The following ADCK1 variants were observed in gnomAD, a reference collection of about 807,000 sequenced individuals.
The protein encoded by ADCK1 is aarF domain containing kinase 1.
In ADCK1, 41 loss-of-function variants were observed where a neutral mutation model predicts 52.3. The ratio of observed to expected loss-of-function variants is 0.78; its 90% confidence interval spans 0.61 to 1.02. The LOEUF is 1.02. ADCK1 is among the 50% of genes least tolerant of loss of function. ADCK1 has a pLI of 0.00. For synonymous variants in ADCK1, 250 were observed against 274.6 expected, an observed-to-expected ratio of 0.91 and a Z score of 0.89; for missense variants, 658 against 679.5, an observed-to-expected ratio of 0.97 and a Z score of 0.35.
rs372050102 is a variant in ADCK1, at chr14:77,907,866, G to A, written c.805G>A (p.Gly269Arg). The change falls in exon 7 of 11, where the codon GGG (glycine) becomes AGG (arginine). Residue 269 changes from glycine to arginine, a missense_variant. Transcript: ENST00000238561. ...RVLLMEFVDG[G>R]QVNDRDYMER... Reference sequence around the variant, plus strand: ...CCTCCTGATGGAGTTTGTGGATGGCGGGCAGGTCAATGACAGAGACTACAT... The same window carrying A: ...CCTCCTGATGGAGTTTGTGGATGGCAGGCAGGTCAATGACAGAGACTACAT... 56 of 1,614,048 alleles carry A rather than the reference G, an allele frequency of 3.5e-5. No homozygotes were observed. The highest frequency in any genetic ancestry group is 3.2e-4 in the South Asian group (29 of 91,080).
At position 77,808,451 on chromosome 14, in the gene ADCK1, C is replaced by G. The variant is rs1334179656; in HGVS notation, c.-12+8281C>G. The stretch of plus-strand genomic sequence containing the variant: ...TTTCTGGATCAATCACATTGAGGAA[C>G]TGGGAGGAGGTAGAGAACTGAAACT... On this transcript the variant is annotated intron_variant, in intron 1 of 10. Transcript: ENST00000238561. 2.0e-5 allele frequency among the ~76,000 whole-genome samples: 3 copies of G among 152,294 alleles called. No individual in the cohort carries two copies. In the East Asian group the frequency reaches 5.8e-4, roughly 29 times the overall value.
At chr14:77,804,042 A>C (rs746908176) in intron 1 of ADCK1, among the ~76,000 whole-genome samples, 10 of 152,130 alleles carry the variant, frequency 6.6e-5, no homozygotes, top group Non-Finnish European at 1.5e-4. Context: ...GTTGTGTGGA[A>C]TATCTAATGA....
At chr14:77,844,806 C>T (rs181127850) in intron 3 of ADCK1, among the ~76,000 whole-genome samples, 1 of 152,254 alleles carries the variant, frequency 6.6e-6, no homozygotes, top group African/African-American at 2.4e-5. Context: ...CAGAAGACAC[C>T]TTAGAAACAT....
chr14:77,878,312 C>T (rs2082943254), intron 4 of ADCK1, among the ~76,000 whole-genome samples: 1 of 152,232 alleles, frequency 6.6e-6, no homozygotes, highest in Non-Finnish European at 1.5e-5. Context: ...GCAATAATCT[C>T]TCCTCTAACC....
chr14:77,843,338 C>T (rs549457260), intron 3 of ADCK1, among the ~76,000 whole-genome samples: 3 of 152,334 alleles, frequency 2.0e-5, no homozygotes, highest in South Asian at 2.1e-4. Context: ...ATTCTGCTCG[C>T]GGCCTAACAC....
intron 2 of ADCK1, among the ~76,000 whole-genome samples, chr14:77,821,728 A>G (rs1422842593): frequency 1.8e-4 from 28 of 151,822 alleles, no homozygotes. Context: ...TAAAAATACA[A>G]AAATTAGCCG....
At chr14:77,851,209 T>C (rs1218112119) in intron 3 of ADCK1, among the ~76,000 whole-genome samples, 2 of 150,806 alleles carry the variant, frequency 1.3e-5, no homozygotes, top group African/African-American at 4.9e-5. Flanking sequence ...CTTCTGCCTC[T>C]TGGGTTCAAG....
chr14:77,896,312 A>C (rs1429345174), intron 5 of ADCK1, among the ~76,000 whole-genome samples: 3 of 152,130 alleles, frequency 2.0e-5, no homozygotes, highest in Admixed American at 1.3e-4. Context: ...CCAAGTAGAG[A>C]CCTCACTGGG....
chr14:77,845,789 C>T (rs1298695015), intron 3 of ADCK1, among the ~76,000 whole-genome samples: 1 of 152,154 alleles, frequency 6.6e-6, no homozygotes, highest in Non-Finnish European at 1.5e-5. Flanking sequence ...ACAAAATCAT[C>T]CCCTGCTCAC....
intron 4 of ADCK1, among the ~76,000 whole-genome samples, chr14:77,879,674 ACT>A (rs1188022788): frequency 6.6e-6 from 1 of 151,334 alleles, no homozygotes; most frequent in Non-Finnish European, 1.5e-5. Context: ...TGTTTGGGAA[ACT>A]CACCCTAGCT....
At chr14:77,857,527 G>A (rs768935609) in intron 3 of ADCK1, among the ~76,000 whole-genome samples, 1 of 152,072 alleles carries the variant, frequency 6.6e-6, no homozygotes, top group Non-Finnish European at 1.5e-5. Context: ...TCCTCTGCCT[G>A]CCCAACACCC....
At chr14:77,823,350 C>G (rs2081621226) in intron 3 of ADCK1, among the ~76,000 whole-genome samples, 1 of 152,274 alleles carries the variant, frequency 6.6e-6, no homozygotes, top group South Asian at 2.1e-4. Flanking sequence ...CTTCTGGACT[C>G]GGCTCAAGCT....
intron 4 of ADCK1, among the ~76,000 whole-genome samples, chr14:77,884,531 C>G (rs1282856943): frequency 6.6e-6 from 1 of 152,110 alleles, no homozygotes; most frequent in African/African-American, 2.4e-5. Flanking sequence ...ACACTATATC[C>G]ATCAGAGCCC....
intron 5 of ADCK1, among the ~76,000 whole-genome samples, chr14:77,890,923 C>T (rs986131305): frequency 6.6e-6 from 1 of 152,014 alleles, no homozygotes; most frequent in Non-Finnish European, 1.5e-5. Flanking sequence ...GGGGATTCAG[C>T]AGAGAGAAGT....
At chr14:77,863,872 C>G (rs957869883) in intron 4 of ADCK1, among the ~76,000 whole-genome samples, 1 of 151,882 alleles carries the variant, frequency 6.6e-6, no homozygotes, top group Non-Finnish European at 1.5e-5. Flanking sequence ...CCAGTTCTGT[C>G]CTAGAATATA....
intron 4 of ADCK1, among the ~76,000 whole-genome samples, chr14:77,874,404 G>A (rs938028334): frequency 4.6e-5 from 7 of 152,178 alleles, no homozygotes; most frequent in African/African-American, 1.4e-4. Context: ...TGAGAGGTGA[G>A]CAGGACTTCA....
intron 10 of ADCK1, among the ~76,000 whole-genome samples, chr14:77,932,254 G>A (rs1448521735): frequency 1.3e-5 from 2 of 152,160 alleles, no homozygotes; most frequent in South Asian, 2.1e-4. Context: ...TCACCGTGTT[G>A]GCCAGGCTGG....
chr14:77,845,160 A>G (rs111721861), intron 3 of ADCK1, among the ~76,000 whole-genome samples: 1 of 152,312 alleles, frequency 6.6e-6, no homozygotes, highest in South Asian at 2.1e-4. Flanking sequence ...TTTCTTCTGA[A>G]TTATACTGGT....
At chr14:77,878,932 C>CT (rs397786233) in intron 4 of ADCK1, among the ~76,000 whole-genome samples, 1 of 152,058 alleles carries the variant, frequency 6.6e-6, no homozygotes, top group Admixed American at 6.6e-5. Flanking sequence ...CTTCCCCCCC[C>CT]ACGAATGAAT....
Sources: gnomAD v4.1 joint callset for allele counts (sites outside exome capture counted in the v4.1 genomes callset) on GRCh38, gnomAD v4.1.1 for gene constraint, MANE v1.5 for transcripts, NCBI Gene and HGNC (gene_info 2026-07-23, HGNC 2026-07-21) for gene names.